The following WDR37 variants were observed in gnomAD, a reference collection of about 807,000 sequenced individuals.
WDR37 encodes the protein WD repeat-containing protein 37.
Under a neutral mutation model 62.9 loss-of-function variants are expected in WDR37, and 19 were observed. The ratio of observed to expected loss-of-function variants is 0.30; its 90% CI spans 0.21 to 0.44. The LOEUF (loss-of-function observed/expected upper bound fraction) is 0.44, where lower values mean the gene tolerates loss of function less well. WDR37 is among the 20% of genes least tolerant of loss of function. The pLI, the probability that WDR37 is intolerant of heterozygous loss-of-function variation, is 1.00. For synonymous variants in WDR37, 250 were observed against 260.9 expected, an observed-to-expected ratio of 0.96 and a Z score of 0.40; for missense variants, 474 against 657.6, an observed-to-expected ratio of 0.72 and a Z score of 3.05.
intron 2 of WDR37, among the ~76,000 whole-genome samples, chr10:1,072,515 T>C (rs879494776): frequency 6.6e-6 from 1 of 152,170 alleles, no homozygotes; most frequent in African/African-American, 2.4e-5. Context: ...GGTTTCACCA[T>C]GTTGGTCAGG....
chr10:1,126,735 G>A (rs1835796967), intron 13 of WDR37, among the ~76,000 whole-genome samples: 1 of 152,212 alleles, frequency 6.6e-6, no homozygotes, highest in Non-Finnish European at 1.5e-5. Context: ...GGAGGCACGT[G>A]CGAAAGTGGG....
chr10:1,105,080 C>T lies in WDR37; in HGVS notation c.962-46C>T, dbSNP rs779595850. The T allele has an allele frequency of 2.5e-6, 4 of 1,603,584 alleles. No individual in the cohort carries two copies. The highest frequency in any genetic ancestry group is 1.1e-5 in the South Asian group (1 of 90,580). Reference sequence around the variant, plus strand: ...TGCTGTTGAAAAGCGTCTCTCTCAGCGTGCTCCTCAGGTGATGACCTTGTG... The same window carrying T: ...TGCTGTTGAAAAGCGTCTCTCTCAGTGTGCTCCTCAGGTGATGACCTTGTG... On this transcript the variant is annotated intron_variant, in intron 10 of 13. Transcript: ENST00000263150. This position sits in a 1 kb window ranked among gnomAD's most constrained non-coding sequence, Gnocchi z 5.3.
chr10:1,126,332 G>A (rs1178916552), intron 13 of WDR37, among the ~76,000 whole-genome samples: 1 of 151,384 alleles, frequency 6.6e-6, no homozygotes, highest in Non-Finnish European at 1.5e-5. Context: ...CGTGAACCCA[G>A]GAGGCGGAGC....
intron 11 of WDR37, among the ~76,000 whole-genome samples, chr10:1,106,806 C>T (rs954848555): frequency 2.0e-5 from 3 of 152,138 alleles, no homozygotes; most frequent in Non-Finnish European, 2.9e-5. Context: ...TGTGAGCCAT[C>T]GCGTCTGGCC....
At chr10:1,059,423 A>G (rs1358067671) in intron 1 of WDR37, among the ~76,000 whole-genome samples, 10 of 152,086 alleles carry the variant, frequency 6.6e-5, no homozygotes, top group Admixed American at 5.9e-4. Flanking sequence ...TACTTTGGTT[A>G]TGTTATCTGC....
At chr10:1,088,432 G>T (rs1468096234) in intron 7 of WDR37, among the ~76,000 whole-genome samples, 1 of 152,162 alleles carries the variant, frequency 6.6e-6, no homozygotes, top group Non-Finnish European at 1.5e-5. Flanking sequence ...AGAGGCCATT[G>T]TAGGGTTATG....
chr10:1,082,912 T>C (rs1267966989), intron 5 of WDR37, among the ~76,000 whole-genome samples: 1 of 152,164 alleles, frequency 6.6e-6, no homozygotes, highest in African/African-American at 2.4e-5. Flanking sequence ...TTATTAATGT[T>C]AGAAGTGGTG....
chr10:1,087,620 G>A (rs1188644777), intron 7 of WDR37, among the ~76,000 whole-genome samples: 4 of 152,250 alleles, frequency 2.6e-5, no homozygotes, highest in African/African-American at 9.6e-5. Context: ...AGGTCTTAAT[G>A]GTAGGCTTAA....
At chr10:1,073,625 T>G (rs1354434234) in intron 2 of WDR37, among the ~76,000 whole-genome samples, 1 of 152,210 alleles carries the variant, frequency 6.6e-6, no homozygotes, top group African/African-American at 2.4e-5. Flanking sequence ...ACTGGGTAGC[T>G]TAACAGACTG....
chr10:1,109,799 T>A (rs2131671234), intron 11 of WDR37, among the ~76,000 whole-genome samples: 1 of 152,354 alleles, frequency 6.6e-6, no homozygotes, highest in South Asian at 2.1e-4. Flanking sequence ...TTTAGAGAGC[T>A]GTACTTATGA....
At chr10:1,071,729 T>C (rs1367272778) in intron 1 of WDR37, among the ~76,000 whole-genome samples, 1 of 152,236 alleles carries the variant, frequency 6.6e-6, no homozygotes, top group Non-Finnish European at 1.5e-5. Context: ...TTTACATCCA[T>C]GACTTGCATT....
intron 1 of WDR37, among the ~76,000 whole-genome samples, chr10:1,061,129 C>CT (rs1158752164): frequency 6.6e-6 from 1 of 152,172 alleles, no homozygotes; most frequent in Non-Finnish European, 1.5e-5. Context: ...ATTAGTGACT[C>CT]TTTGTATTTA....
At chr10:1,128,592 A>G (rs922631975) in intron 13 of WDR37, among the ~76,000 whole-genome samples, 6 of 152,284 alleles carry the variant, frequency 3.9e-5, no homozygotes, top group East Asian at 3.8e-4. Flanking sequence ...CTTTGAGTGA[A>G]TATCATTTAA....
At chr10:1,074,290 G>GT in intron 2 of WDR37, 1 of 1,190,772 alleles carries the variant, frequency 8.4e-7, no homozygotes, top group Non-Finnish European at 1.1e-6. Flanking sequence ...GGGTGAAAGT[G>GT]TTCTTTTCTG....
chr10:1,060,115 G>A (rs554649336), intron 1 of WDR37, among the ~76,000 whole-genome samples: 77 of 152,290 alleles, frequency 5.1e-4, no homozygotes, highest in Middle Eastern at 3.4e-3. Context: ...CTGGGATTAC[G>A]GGCATGAGCC....
At chr10:1,094,183 C>T (rs552254223) in intron 8 of WDR37, among the ~76,000 whole-genome samples, 41 of 152,284 alleles carry the variant, frequency 2.7e-4, no homozygotes, top group Admixed American at 7.8e-4. Context: ...TTCATCTTTG[C>T]GGGACATTCA....
rs532392235 is a variant in WDR37 at position 1,100,850 on chromosome 10, G to A, written c.727-2752G>A. ...CCCCCTGCCTTCAAGGTGACGTACC[G>A]AGTACCCCCCTGCTGCAGCCTGTCT... is the stretch of plus-strand genomic sequence containing the variant. On this transcript the variant is annotated intron_variant, in intron 9 of 13. Transcript: ENST00000263150. Among the ~76,000 whole-genome samples, 312 of 152,216 alleles carry A rather than the reference G, an allele frequency of 2.0e-3. 1 individual carries two copies. The highest frequency in any genetic ancestry group is 5.4e-3 in the Admixed American group (82 of 15,292).
chr10:1,085,992 C>T (rs751436312), intron 6 of WDR37, among the ~76,000 whole-genome samples: 4 of 152,188 alleles, frequency 2.6e-5, no homozygotes, highest in Admixed American at 6.5e-5. Flanking sequence ...GTGATGGGAA[C>T]GACCTCTGTC....
At chr10:1,076,296 A>G (rs939896262) in intron 2 of WDR37, among the ~76,000 whole-genome samples, 1 of 152,140 alleles carries the variant, frequency 6.6e-6, no homozygotes, top group Non-Finnish European at 1.5e-5. Flanking sequence ...TAAAACTCAC[A>G]TTGCTAAAAT....
Sources: gnomAD v4.1 joint callset for allele counts (sites outside exome capture counted in the v4.1 genomes callset) on GRCh38, gnomAD v4.1.1 for gene constraint, Gnocchi (gnomAD v3.1) non-coding constraint, MANE v1.5 for transcripts, NCBI Gene and HGNC (gene_info 2026-07-23, HGNC 2026-07-21) for gene names.